The following GPC5 variants were observed in gnomAD, a reference collection of about 807,000 sequenced individuals.
GPC5 encodes glypican-5.
Under a neutral mutation model 53.9 loss-of-function variants are expected in GPC5, and 47 were observed. The ratio of observed to expected loss-of-function variants is 0.87; its 90% CI spans 0.69 to 1.11. The LOEUF is 1.11. Among genes scored for constraint, GPC5 ranks in the 50% most tolerant of loss-of-function variants. The pLI, the probability that GPC5 is intolerant of heterozygous loss-of-function variation, is 0.00. For missense variants in GPC5, 748 were observed against 713.1 expected, an observed-to-expected ratio of 1.05 and a Z score of -0.56; for synonymous variants, 286 against 263.3, an observed-to-expected ratio of 1.09 and a Z score of -0.84.
At chr13:91,528,557 C>G (rs562232508) in intron 2 of GPC5, among the ~76,000 whole-genome samples, 5 of 152,326 alleles carry the variant, frequency 3.3e-5, no homozygotes, top group Non-Finnish European at 7.4e-5. Context: ...TTCCCGTCTT[C>G]TTTTGAGCCC....
intron 2 of GPC5, among the ~76,000 whole-genome samples, chr13:91,551,661 A>G (rs1594242263): frequency 6.6e-6 from 1 of 152,144 alleles, no homozygotes; most frequent in African/African-American, 2.4e-5. Flanking sequence ...CTAGATTTAT[A>G]TACTGCGGAG....
chr13:91,975,507 C>A (rs992657105), intron 6 of GPC5, among the ~76,000 whole-genome samples: 4 of 152,074 alleles, frequency 2.6e-5, no homozygotes, highest in Admixed American at 6.6e-5. Context: ...GCAGCCAAAA[C>A]ACACATGAAA....
intron 5 of GPC5, among the ~76,000 whole-genome samples, chr13:91,838,609 C>T (rs1216228962): frequency 1.3e-5 from 2 of 151,798 alleles, no homozygotes; most frequent in Non-Finnish European, 2.9e-5. Flanking sequence ...GAGAAGACAG[C>T]CTGGAATAGA....
At chr13:92,159,663 C>T (rs2041972167) in intron 7 of GPC5, among the ~76,000 whole-genome samples, 1 of 126,380 alleles carries the variant, frequency 7.9e-6, no homozygotes, top group African/African-American at 3.0e-5. Flanking sequence ...AGTGCAGTGG[C>T]GCAATCTCAG....
At chr13:92,865,955 G>T (rs1192489790) in intron 7 of GPC5, among the ~76,000 whole-genome samples, 1 of 152,022 alleles carries the variant, frequency 6.6e-6, no homozygotes, top group Non-Finnish European at 1.5e-5. Context: ...TCTGAAACAA[G>T]AACTAATCCC....
At chr13:92,607,895 A>G (rs1474615826) in intron 7 of GPC5, among the ~76,000 whole-genome samples, 3 of 152,194 alleles carry the variant, frequency 2.0e-5, no homozygotes, top group Non-Finnish European at 2.9e-5. Flanking sequence ...GCCTGCCCTG[A>G]GACATCAAGA....
chr13:92,011,542 T>G (rs369356515), intron 6 of GPC5, among the ~76,000 whole-genome samples: 10 of 152,334 alleles, frequency 6.6e-5, no homozygotes, highest in African/African-American at 2.2e-4. Context: ...ATAGCCATCT[T>G]AGTCCCAGAT....
At chr13:91,960,308 G>T (rs753937238) in intron 6 of GPC5, among the ~76,000 whole-genome samples, 6 of 151,722 alleles carry the variant, frequency 4.0e-5, no homozygotes, top group Non-Finnish European at 8.8e-5. Flanking sequence ...AAGAAATCAA[G>T]AAAACAATCT....
rs200959469 is a variant in GPC5, at chr13:91,592,545, C to A, written c.326-100642C>A. Among the ~76,000 whole-genome samples the A allele has an allele frequency of 2.0e-4, 30 of 152,282 alleles. No individual in the cohort carries two copies. In the East Asian group the frequency reaches 5.6e-3, roughly 29 times the overall value. On this transcript the variant is annotated intron_variant, in intron 2 of 7. Coordinates refer to ENST00000377067, the MANE Select transcript of GPC5 (RefSeq NM_004466.6). ...CATGCCCCACTCACACTACAGCCCA[C>A]AAACTTGCGCATCTCACCCCCTTCA...
intron 7 of GPC5, among the ~76,000 whole-genome samples, chr13:92,396,159 T>C (rs1875260085): frequency 6.6e-6 from 1 of 152,178 alleles, no homozygotes. Flanking sequence ...TAGTTTGTTT[T>C]TGTTTTCCAT....
chr13:92,186,010 T>C (rs1227648552), intron 7 of GPC5, among the ~76,000 whole-genome samples: 3 of 152,100 alleles, frequency 2.0e-5, no homozygotes, highest in African/African-American at 7.2e-5. Context: ...AGTAATGAAA[T>C]ATTAATTTAA....
chr13:92,518,948 T>C (rs1433498369), intron 7 of GPC5, among the ~76,000 whole-genome samples: 2 of 151,692 alleles, frequency 1.3e-5, no homozygotes, highest in Non-Finnish European at 2.9e-5. Flanking sequence ...ACCAAGCAAA[T>C]GGAAAACAAA....
At chr13:91,687,216 C>T (rs1327694113) in intron 2 of GPC5, among the ~76,000 whole-genome samples, 1 of 151,936 alleles carries the variant, frequency 6.6e-6, no homozygotes, top group African/African-American at 2.4e-5. Flanking sequence ...CGGTTTCTCT[C>T]ATTACAAAAA....
intron 6 of GPC5, among the ~76,000 whole-genome samples, chr13:92,113,338 A>G (rs911555341): frequency 1.3e-5 from 2 of 152,264 alleles, no homozygotes; most frequent in African/African-American, 4.8e-5. Context: ...CAAAGGGAAA[A>G]TAAGTGTCTA....
At chr13:91,483,329 G>C (rs924251797) in intron 2 of GPC5, among the ~76,000 whole-genome samples, 1 of 152,146 alleles carries the variant, frequency 6.6e-6, no homozygotes, top group Non-Finnish European at 1.5e-5. Flanking sequence ...GCCTTTGTAT[G>C]TTAGCGCTGG....
At chr13:91,524,310 A>G (rs962857749) in intron 2 of GPC5, among the ~76,000 whole-genome samples, 2 of 152,082 alleles carry the variant, frequency 1.3e-5, no homozygotes, top group African/African-American at 2.4e-5. Context: ...ACTCTAAAAC[A>G]TATTATAACA....
intron 2 of GPC5, among the ~76,000 whole-genome samples, chr13:91,654,681 A>T (rs1467761402): frequency 6.6e-6 from 1 of 152,190 alleles, no homozygotes; most frequent in Non-Finnish European, 1.5e-5. Context: ...TTTGGAAACA[A>T]AATACTATTG....
intron 5 of GPC5, among the ~76,000 whole-genome samples, chr13:91,848,819 C>A (rs148605054): frequency 3.9e-5 from 6 of 152,056 alleles, no homozygotes; most frequent in Non-Finnish European, 7.3e-5. Context: ...TCAATTGTTA[C>A]GCAAATAATT....
At chr13:91,948,152 T>C (rs143937933) in intron 6 of GPC5, among the ~76,000 whole-genome samples, 3,193 of 151,084 alleles carry the variant, frequency 0.021, 103 homozygotes, top group African/African-American at 0.074. Flanking sequence ...GGCGTGAATC[T>C]GGGAGGTGGA....
Sources: gnomAD v4.1 joint callset for allele counts (sites outside exome capture counted in the v4.1 genomes callset) on GRCh38, gnomAD v4.1.1 for gene constraint, MANE v1.5 for transcripts, NCBI Gene and HGNC (gene_info 2026-07-23, HGNC 2026-07-21) for gene names.